TGFB2: variants seen among roughly 807,000 people sequenced by gnomAD.
The protein encoded by TGFB2 is transforming growth factor beta-2 proprotein.
A neutral mutation model predicts 42.7 loss-of-function variants in TGFB2; 13 were observed. The ratio of observed to expected loss-of-function variants is 0.30; its 90% CI spans 0.20 to 0.48. TGFB2 has a LOEUF of 0.48. Ranked by LOEUF, TGFB2 falls within the 20% of genes least tolerant of loss-of-function variation. The pLI, the probability that TGFB2 is intolerant of heterozygous loss-of-function variation, is 0.99. For synonymous variants in TGFB2, 193 were observed against 193.6 expected, an observed-to-expected ratio of 1.00 and a Z score of 0.03; for missense variants, 390 against 517.5, an observed-to-expected ratio of 0.75 and a Z score of 2.39.
chr1:218,415,186 C>T (rs1558253148), intron 2 of TGFB2, among the ~76,000 whole-genome samples: 1 of 152,200 alleles, frequency 6.6e-6, no homozygotes, highest in Non-Finnish European at 1.5e-5. Context: ...TCAGCGGTTA[C>T]TATTATTATC....
chr1:218,439,408 C>T (rs1420622817), intron 6 of TGFB2, among the ~76,000 whole-genome samples: 1 of 152,158 alleles, frequency 6.6e-6, no homozygotes, highest in African/African-American at 2.4e-5. Context: ...ATACTACATT[C>T]AGCTGAATTC....
intron 1 of TGFB2, among the ~76,000 whole-genome samples, chr1:218,353,677 A>G (rs562001409): frequency 9.9e-5 from 15 of 152,278 alleles, no homozygotes; most frequent in Non-Finnish European, 2.1e-4. Context: ...CGGGAGGATC[A>G]CTTGAGGGCA....
At chr1:218,424,769 C>A (rs187506511) in intron 2 of TGFB2, among the ~76,000 whole-genome samples, 2 of 152,298 alleles carry the variant, frequency 1.3e-5, no homozygotes, top group Non-Finnish European at 1.5e-5. Flanking sequence ...AAAAAAATTT[C>A]TGTGACTCAA....
intron 1 of TGFB2, among the ~76,000 whole-genome samples, chr1:218,360,521 G>T (rs1434871471): frequency 6.6e-6 from 1 of 152,172 alleles, no homozygotes; most frequent in East Asian, 1.9e-4. Context: ...CAGTGGGGAT[G>T]GGGTAGGGAG....
Position 218,436,080 on chromosome 1 carries a change from T to A in TGFB2, c.865T>A (p.Tyr289Asn). ...PHLLLMLLPS[Y>N]RLESQQTNRR... ...TCTCCTGCTAATGTTATTGCCCTCC[T>A]ACAGACTTGAGTCACAACAGACCAA... Residue 289 changes from tyrosine (Y) to asparagine (N), a missense_variant, in exon 5 of 7, where the codon TAC becomes AAC. Physicochemically the swap from Tyr to Asn is moderately radical, Grantham distance 143 (BLOSUM62 -2). Transcript: ENST00000366930. The A allele has an allele frequency of 6.2e-7, 1 of 1,614,194 alleles. No individual in the cohort carries two copies. Among genetic ancestry groups the A allele is most frequent in the East Asian group, 2.2e-5 (1 of 44,882 alleles).
chr1:218,426,224 A>G (rs1659621240), intron 2 of TGFB2, among the ~76,000 whole-genome samples: 1 of 152,214 alleles, frequency 6.6e-6, no homozygotes. Flanking sequence ...TTGAATTCCC[A>G]ATGCTTTCTT....
intron 1 of TGFB2, among the ~76,000 whole-genome samples, chr1:218,383,825 A>T (rs1277471662): frequency 2.0e-5 from 3 of 152,272 alleles, no homozygotes; most frequent in African/African-American, 7.2e-5. Context: ...ATTTTAGACT[A>T]AGAAATATTG....
At chr1:218,417,666 C>T (rs1015914314) in intron 2 of TGFB2, among the ~76,000 whole-genome samples, 1 of 152,194 alleles carries the variant, frequency 6.6e-6, no homozygotes, top group Non-Finnish European at 1.5e-5. Flanking sequence ...GGCAGCCCCT[C>T]CCATCATAGG....
At chr1:218,439,323 C>G (rs1571906022) in intron 6 of TGFB2, among the ~76,000 whole-genome samples, 1 of 152,084 alleles carries the variant, frequency 6.6e-6, no homozygotes. Context: ...CTGTAAATCT[C>G]CCTATTAAAG....
At chr1:218,381,266 T>G (rs1657952031) in intron 1 of TGFB2, among the ~76,000 whole-genome samples, 1 of 150,730 alleles carries the variant, frequency 6.6e-6, no homozygotes, top group South Asian at 2.1e-4. Flanking sequence ...TTGTTTTTTT[T>G]TTTTTTTGAG....
chr1:218,407,588 G>T (rs1042456959), intron 2 of TGFB2, among the ~76,000 whole-genome samples: 1 of 152,146 alleles, frequency 6.6e-6, no homozygotes, highest in Non-Finnish European at 1.5e-5. Context: ...CAGAAGTATT[G>T]TTTCCAATGA....
chr1:218,419,687 CATTT>C (rs1659392383), intron 2 of TGFB2, among the ~76,000 whole-genome samples: 1 of 152,144 alleles, frequency 6.6e-6, no homozygotes, highest in Non-Finnish European at 1.5e-5. Context: ...AAACATCACT[CATTT>C]ATTCGGATTT....
intron 1 of TGFB2, among the ~76,000 whole-genome samples, chr1:218,402,439 C>T (rs1658752810): frequency 6.6e-6 from 1 of 152,072 alleles, no homozygotes; most frequent in Non-Finnish European, 1.5e-5. Flanking sequence ...AGGACAGGAT[C>T]ATTGGATGAT....
chr1:218,417,702 G>T (rs546327750), intron 2 of TGFB2, among the ~76,000 whole-genome samples: 10 of 152,334 alleles, frequency 6.6e-5, no homozygotes, highest in African/African-American at 2.2e-4. Flanking sequence ...GGAAAATGTG[G>T]TTTTGTGGGC....
chr1:218,430,510 C>G (rs1659773409), intron 2 of TGFB2, among the ~76,000 whole-genome samples: 1 of 152,086 alleles, frequency 6.6e-6, no homozygotes, highest in Non-Finnish European at 1.5e-5. Context: ...GTTTGGAGAC[C>G]TGAGAAAGAC....
In TGFB2 at chr1:218,380,841, G is replaced by A. The variant is rs535007287; in HGVS notation, c.347-24328G>A. On this transcript the variant is annotated intron_variant, in intron 1 of 6. Coordinates refer to ENST00000366930, the MANE Select transcript of TGFB2 (RefSeq NM_003238.6). ...CTTTTGCTGGCAACTTGGAATCTAGGAAAAAATAACAGAGGCTAACATGCT... is the reference window on the plus strand; with the variant it reads ...CTTTTGCTGGCAACTTGGAATCTAGAAAAAAATAACAGAGGCTAACATGCT... 1.7e-3 allele frequency among the ~76,000 whole-genome samples: 260 copies of A among 152,236 alleles called. No individual in the cohort carries two copies. The Middle Eastern group carries it at 0.024, about 14-fold the overall frequency.
chr1:218,374,935 C>CT (rs1265690016), intron 1 of TGFB2, among the ~76,000 whole-genome samples: 2 of 152,172 alleles, frequency 1.3e-5, no homozygotes, highest in African/African-American at 2.4e-5. Flanking sequence ...CTGCTTGAAA[C>CT]TTTAACACAT....
rs540919448 is a variant in TGFB2 at position 218,393,894 on chromosome 1, G to A, written c.347-11275G>A. ...CTCATGGGCTCTGAGACTCCTCTAC[G>A]TTAGGCATCGGCCTCTTTTTTTTTT... On this transcript the variant is annotated intron_variant, in intron 1 of 6. Coordinates refer to ENST00000366930, the MANE Select transcript of TGFB2 (RefSeq NM_003238.6). Among the ~76,000 whole-genome samples, 4 of 150,990 alleles carry A rather than the reference G, an allele frequency of 2.6e-5. No individual in the cohort carries two copies. The South Asian group carries it at 6.3e-4, about 24-fold the overall frequency.
Position 218,436,224 on chromosome 1 carries a change from T to G in TGFB2, c.932+77T>G, listed in dbSNP as rs551456505. On this transcript the variant is annotated intron_variant, in intron 5 of 6. Transcript: ENST00000366930. Reference sequence around the variant, plus strand: ...TGCCTTTGCCCTTTCTTTTACTGTGTATTGACCCAAGTGGAACTCACTGCT... The same window carrying G: ...TGCCTTTGCCCTTTCTTTTACTGTGGATTGACCCAAGTGGAACTCACTGCT... 14 of 1,494,538 alleles carry G rather than the reference T, an allele frequency of 9.4e-6. No individual in the cohort carries two copies. The African/African-American group carries it at 2.0e-4, about 21-fold the overall frequency. The allele number at this position is 1,494,538 out of a possible 1,614,324, so 92.6% of individuals were successfully genotyped here.
Sources: allele counts gnomAD v4.1 joint callset (sites outside exome capture counted in the v4.1 genomes callset), GRCh38; gene constraint gnomAD v4.1.1; transcripts MANE v1.5; gene names NCBI Gene and HGNC (gene_info 2026-07-23, HGNC 2026-07-21).